The following ADAMTS18 variants were observed in gnomAD, a reference collection of about 807,000 sequenced individuals.
ADAMTS18 encodes ADAM metallopeptidase with thrombospondin type 1 motif 18.
A neutral mutation model predicts 165.9 loss-of-function variants in ADAMTS18; 157 were observed. That is an observed-to-expected ratio of 0.95 (90% confidence interval 0.83 to 1.08). ADAMTS18 has a LOEUF of 1.08. Among genes scored for constraint, ADAMTS18 ranks in the 50% least tolerant of loss-of-function variants. ADAMTS18 has a pLI of 0.00. For synonymous variants in ADAMTS18, 782 were observed against 578.2 expected (o/e 1.35, Z -5.06); for missense variants, 2,040 against 1,534.0 (o/e 1.33, Z -5.51).
chr16:77,285,469 G>C (rs1375186651), intron 22 of ADAMTS18, among the ~76,000 whole-genome samples: 9 of 151,862 alleles, frequency 5.9e-5, no homozygotes, highest in Admixed American at 5.9e-4. Flanking sequence ...CACACCCCCG[G>C]CCATTTTACT....
intron 12 of ADAMTS18, among the ~76,000 whole-genome samples, chr16:77,330,881 A>G (rs1036838059): frequency 1.3e-5 from 2 of 152,260 alleles, no homozygotes; most frequent in African/African-American, 4.8e-5. Flanking sequence ...TGTGAATAGA[A>G]CCAAATGCTT....
Position 77,371,443 on chromosome 16 carries a change from C to A in ADAMTS18, c.496-3720G>T, listed in dbSNP as rs544381868. On this transcript the variant is annotated intron_variant, in intron 3 of 22. Coordinates refer to ENST00000282849, the MANE Select transcript of ADAMTS18 (RefSeq NM_199355.4). ...ATAGGAATAAAACAGACACATAAAA[C>A]AACAGAACAGAAGAGAACCCTGAAA... 2.6e-5 allele frequency among the ~76,000 whole-genome samples: 4 copies of A among 152,026 alleles called. No homozygotes were observed. In the South Asian group the frequency reaches 8.3e-4, roughly 32 times the overall value.
intron 3 of ADAMTS18, among the ~76,000 whole-genome samples, chr16:77,371,213 T>G (rs1204783571): frequency 4.5e-5 from 6 of 133,864 alleles, no homozygotes; most frequent in Non-Finnish European, 1.0e-4. Context: ...AGACTCTGAC[T>G]CAATTAAAAA....
chr16:77,368,659 C>T (rs542470048), intron 3 of ADAMTS18, among the ~76,000 whole-genome samples: 1 of 152,172 alleles, frequency 6.6e-6, no homozygotes, highest in South Asian at 2.1e-4. Context: ...GATCCTCCTA[C>T]CTCAGCCTCC....
chr16:77,389,736 G>C (rs563959055), intron 3 of ADAMTS18, among the ~76,000 whole-genome samples: 2 of 152,306 alleles, frequency 1.3e-5, no homozygotes, highest in African/African-American at 4.8e-5. Flanking sequence ...AGTGAACAAA[G>C]AGAGAATGGG....
Position 77,325,815 on chromosome 16 carries a change from A to C in ADAMTS18, c.2032+51T>G, listed in dbSNP as rs748392847. On this transcript the variant is annotated intron_variant, in intron 13 of 22. Coordinates refer to ENST00000282849, the MANE Select transcript of ADAMTS18 (RefSeq NM_199355.4). ...GCAATTTCTTCTGTATTGGTCAATC[A>C]CATTATTATCCACATAGAGACTTAT... is the stretch of plus-strand genomic sequence containing the variant. The C allele has an allele frequency of 1.5e-5, 24 of 1,552,612 alleles. 1 individual carries two copies. The South Asian group carries it at 2.6e-4, about 17-fold the overall frequency.
intron 3 of ADAMTS18, among the ~76,000 whole-genome samples, chr16:77,379,985 T>C (rs1194804890): frequency 1.3e-5 from 2 of 152,190 alleles, no homozygotes; most frequent in African/African-American, 4.8e-5. Context: ...ACTCTCAGTC[T>C]CTGTGACTTT....
chr16:77,421,221 T>C (rs147210060), intron 3 of ADAMTS18, among the ~76,000 whole-genome samples: 25 of 152,220 alleles, frequency 1.6e-4, no homozygotes, highest in African/African-American at 6.0e-4. Flanking sequence ...ATCAAAAGCA[T>C]CCCTTCAGGA....
At chr16:77,384,787 G>A (rs958070246) in intron 3 of ADAMTS18, among the ~76,000 whole-genome samples, 1 of 151,632 alleles carries the variant, frequency 6.6e-6, no homozygotes, top group African/African-American at 2.4e-5. Flanking sequence ...CTAACATCCA[G>A]TTCATCAGCT....
At chr16:77,369,682 C>T (rs997245913) in intron 3 of ADAMTS18, among the ~76,000 whole-genome samples, 4 of 152,292 alleles carry the variant, frequency 2.6e-5, no homozygotes, top group Admixed American at 2.6e-4. Flanking sequence ...AGAACTAATA[C>T]CAATCCTTTG....
chr16:77,335,630 T>G lies in ADAMTS18; in HGVS notation c.1859+126A>C, dbSNP rs1448947133. 13 of 1,192,624 alleles carry G rather than the reference T, an allele frequency of 1.1e-5. No homozygotes were observed. In the South Asian group the frequency reaches 1.6e-4, roughly 15 times the overall value. 73.9% of individuals were successfully genotyped at this position (1,192,624 alleles called of 1,614,324 possible). On this transcript the variant is annotated intron_variant, in intron 12 of 22. Coordinates refer to ENST00000282849, the MANE Select transcript of ADAMTS18 (RefSeq NM_199355.4). The stretch of plus-strand genomic sequence containing the variant: ...ATCACATGTACCCCATAAATATGTA[T>G]AACCATTATGTAGCCATAATAATTA...
At chr16:77,421,679 T>C (rs1186802659) in intron 3 of ADAMTS18, among the ~76,000 whole-genome samples, 1 of 152,214 alleles carries the variant, frequency 6.6e-6, no homozygotes. Flanking sequence ...CTAATATCAC[T>C]GTTGGTAAGC....
At chr16:77,381,020 G>A (rs185848328) in intron 3 of ADAMTS18, among the ~76,000 whole-genome samples, 95 of 152,170 alleles carry the variant, frequency 6.2e-4, no homozygotes, top group Non-Finnish European at 1.1e-3. Flanking sequence ...GATTACAAGT[G>A]CTGCCATCAT....
intron 3 of ADAMTS18, among the ~76,000 whole-genome samples, chr16:77,385,137 G>C (rs1398991752): frequency 1.3e-5 from 2 of 152,000 alleles, no homozygotes; most frequent in African/African-American, 2.4e-5. Context: ...TCGAACTCCT[G>C]AACTTAAGCG....
At chr16:77,312,043 G>A (rs1324968298) in intron 16 of ADAMTS18, among the ~76,000 whole-genome samples, 2 of 151,782 alleles carry the variant, frequency 1.3e-5, no homozygotes, top group Non-Finnish European at 2.9e-5. Flanking sequence ...ATTGAACCTG[G>A]GGAAGACTTC....
chr16:77,296,725 C>T (rs1166030673), intron 18 of ADAMTS18, among the ~76,000 whole-genome samples: 1 of 152,080 alleles, frequency 6.6e-6, no homozygotes, highest in Non-Finnish European at 1.5e-5. Context: ...GTGGCTGAGG[C>T]ACAATAATTG....
At chr16:77,392,170 C>T (rs1277983476) in intron 3 of ADAMTS18, among the ~76,000 whole-genome samples, 1 of 152,192 alleles carries the variant, frequency 6.6e-6, no homozygotes, top group African/African-American at 2.4e-5. Context: ...CCATCCACTC[C>T]TCTGCTCCAA....
At chr16:77,392,501 A>G (rs904856425) in intron 3 of ADAMTS18, among the ~76,000 whole-genome samples, 3 of 151,982 alleles carry the variant, frequency 2.0e-5, no homozygotes, top group Non-Finnish European at 4.4e-5. Flanking sequence ...TTCCCTGAAC[A>G]CCCTGTATGA....
Position 77,350,780 on chromosome 16 carries a change from G to C in ADAMTS18, c.1614+2953C>G, listed in dbSNP as rs537807560. Among the ~76,000 whole-genome samples the C allele has an allele frequency of 6.3e-4, 96 of 152,230 alleles. No individual in the cohort carries two copies. In the South Asian group the frequency reaches 7.7e-3, roughly 12 times the overall value. On this transcript the variant is annotated intron_variant, in intron 10 of 22. Coordinates refer to ENST00000282849, the MANE Select transcript of ADAMTS18 (RefSeq NM_199355.4). Reference sequence around the variant, plus strand: ...CCAAAATTTCTCATTCCTTAGGCCTGGGACGAGACATTTCTCACAAGTTTC... The same window carrying C: ...CCAAAATTTCTCATTCCTTAGGCCTCGGACGAGACATTTCTCACAAGTTTC...
Sources: gnomAD v4.1 joint callset for allele counts (sites outside exome capture counted in the v4.1 genomes callset) on GRCh38, gnomAD v4.1.1 for gene constraint, MANE v1.5 for transcripts, NCBI Gene and HGNC (gene_info 2026-07-23, HGNC 2026-07-21) for gene names.